The following BUB1B variants were observed in gnomAD, a reference collection of about 807,000 sequenced individuals.
BUB1B encodes the protein mitotic checkpoint serine/threonine-protein kinase BUB1 beta.
A neutral mutation model predicts 137.7 loss-of-function variants in BUB1B; 86 were observed. The ratio of observed to expected loss-of-function variants is 0.62; its 90% CI spans 0.52 to 0.75. BUB1B has a LOEUF of 0.75. BUB1B is among the 30% of genes least tolerant of loss of function. The probability of loss-of-function intolerance (pLI) is 0.00; values close to 1 mark genes in which losing one functional copy is unlikely to be tolerated. For missense variants in BUB1B, 1,130 were observed against 1,236.9 expected (o/e 0.91, Z 1.30); for synonymous variants, 420 against 417.9 (o/e 1.00, Z -0.06).
At chr15:40,205,170 C>T (rs1595530944) in intron 14 of BUB1B, among the ~76,000 whole-genome samples, 2 of 152,106 alleles carry the variant, frequency 1.3e-5, no homozygotes, top group South Asian at 2.1e-4. Context: ...TGGTCTCGAG[C>T]GCCTGACCTC....
chr15:40,218,107 C>T (rs565522729), intron 21 of BUB1B, among the ~76,000 whole-genome samples: 4 of 152,202 alleles, frequency 2.6e-5, no homozygotes, highest in Non-Finnish European at 5.9e-5. Context: ...CAGCTTTAGA[C>T]ATAAGACATT....
chr15:40,209,902 G>C (rs941272674), intron 17 of BUB1B, 127 bp downstream of exon 17: 1 of 1,213,838 alleles, frequency 8.2e-7, no homozygotes, highest in African/African-American at 1.5e-5. Context: ...AAGCAATATA[G>C]AGGATGACAC....
intron 9 of BUB1B, among the ~76,000 whole-genome samples, chr15:40,197,894 A>G (rs1464813184): frequency 6.6e-6 from 1 of 152,238 alleles, no homozygotes; most frequent in African/African-American, 2.4e-5. Context: ...CCACTCCAGC[A>G]AAGAAATAGG....
At chr15:40,190,484 C>T (rs116052375) in intron 8 of BUB1B, among the ~76,000 whole-genome samples, 262 of 152,198 alleles carry the variant, frequency 1.7e-3, no homozygotes, top group African/African-American at 6.0e-3. Flanking sequence ...CATAGTGGCA[C>T]ATGCCTATGG....
intron 8 of BUB1B, among the ~76,000 whole-genome samples, chr15:40,189,692 T>G (rs1566821962): frequency 6.6e-6 from 1 of 152,246 alleles, no homozygotes. Flanking sequence ...CATTTTTGTG[T>G]GGACATGTGT....
At chr15:40,203,797 A>G (rs919901641) in intron 14 of BUB1B, among the ~76,000 whole-genome samples, 6 of 152,212 alleles carry the variant, frequency 3.9e-5, no homozygotes, top group Non-Finnish European at 7.3e-5. Flanking sequence ...AACCTGTATC[A>G]TTGGCATTTT....
rs1313468581 is a variant in BUB1B at position 40,213,435 on chromosome 15, A to G, written c.2639A>G (p.His880Arg). 3 of 1,614,104 alleles carry G rather than the reference A, an allele frequency of 1.9e-6. No individual in the cohort carries two copies. Among genetic ancestry groups the G allele is most frequent in the African/African-American group, 2.7e-5 (2 of 74,940 alleles). Reference protein sequence around the residue: ...VEMLHKAEIVHGDLSPRCLIL... With the variant: ...VEMLHKAEIVRGDLSPRCLIL... ...ATGCTACACAAAGCAGAAATAGTCC[A>G]TGGTGACTTGAGTCCAAGGTGTCTG... Residue 880 changes from histidine (H) to arginine (R), a missense_variant, in exon 20 of 23, where the codon CAT becomes CGT. Coordinates refer to ENST00000287598, the MANE Select transcript of BUB1B (RefSeq NM_001211.6).
intron 8 of BUB1B, among the ~76,000 whole-genome samples, chr15:40,192,783 C>T (rs868435250): frequency 2.0e-5 from 3 of 152,194 alleles, no homozygotes; most frequent in East Asian, 1.9e-4. Flanking sequence ...TTTATCCATT[C>T]GCCCACAGGA....
chr15:40,170,469 G>A, intron 3 of BUB1B, 68 bp from the exon 4 acceptor site: 1 of 1,562,964 alleles, frequency 6.4e-7, no homozygotes, highest in Non-Finnish European at 8.8e-7. Flanking sequence ...TCCAGAATGG[G>A]TCTTGGAGCA....
intron 8 of BUB1B, among the ~76,000 whole-genome samples, chr15:40,193,263 G>C (rs1474902069): frequency 1.3e-5 from 2 of 152,056 alleles, no homozygotes; most frequent in African/African-American, 4.8e-5. Flanking sequence ...ATACTGTTTT[G>C]CATTCCTACC....
At chr15:40,174,985 T>C (rs1202926895) in intron 4 of BUB1B, among the ~76,000 whole-genome samples, 1 of 151,976 alleles carries the variant, frequency 6.6e-6, no homozygotes, top group Admixed American at 6.6e-5. Flanking sequence ...AAAAAAATGC[T>C]ATTTTTATGT....
chr15:40,161,100 T>C lies in BUB1B; in HGVS notation c.-121T>C. 1 of 1,318,108 alleles carries C rather than the reference T, an allele frequency of 7.6e-7. No homozygotes were observed. The highest frequency in any genetic ancestry group is 1.4e-5 in the South Asian group (1 of 70,778). The allele number at this position is 1,318,108 out of a possible 1,614,324, so 81.7% of individuals were successfully genotyped here. On this transcript the variant is annotated 5_prime_UTR_variant, in exon 1 of 23. Coordinates refer to ENST00000287598, the MANE Select transcript of BUB1B (RefSeq NM_001211.6). Reference sequence around the variant, plus strand: ...TTGAGGTGGCCGGTTTGTTAGGGAGTCGTGTACGTGCCTTGGTCGCTTCTG... The same window carrying C: ...TTGAGGTGGCCGGTTTGTTAGGGAGCCGTGTACGTGCCTTGGTCGCTTCTG...
chr15:40,188,129 C>T (rs965464477), intron 8 of BUB1B, among the ~76,000 whole-genome samples: 14 of 152,072 alleles, frequency 9.2e-5, no homozygotes, highest in African/African-American at 3.4e-4. Flanking sequence ...CTCACTGCAA[C>T]CTCCACCTCC....
At chr15:40,209,973 A>C in intron 17 of BUB1B, 137 bp from the exon 18 acceptor site, 1 of 977,970 alleles carries the variant, frequency 1.0e-6, no homozygotes, top group Non-Finnish European at 1.6e-6. Flanking sequence ...ATCTTTAACA[A>C]ATTATTTTTA....
At chr15:40,198,425 A>G (rs987840137) in intron 9 of BUB1B, among the ~76,000 whole-genome samples, 3 of 152,142 alleles carry the variant, frequency 2.0e-5, no homozygotes, top group Non-Finnish European at 4.4e-5. Flanking sequence ...ATGAACTTGT[A>G]TAAATTCCCA....
intron 5 of BUB1B, among the ~76,000 whole-genome samples, chr15:40,177,619 T>C (rs1239730100): frequency 6.6e-6 from 1 of 152,108 alleles, no homozygotes; most frequent in Non-Finnish European, 1.5e-5. Flanking sequence ...GCTATCTAGA[T>C]TACTATACCT....
chr15:40,172,904 G>A (rs535525074), intron 4 of BUB1B, among the ~76,000 whole-genome samples: 3 of 152,342 alleles, frequency 2.0e-5, no homozygotes, highest in Admixed American at 2.0e-4. Context: ...CCTGGAGTCT[G>A]TGGACCCTGG....
At chr15:40,217,393 A>G in intron 20 of BUB1B, 103 bp from the exon 21 acceptor site, 2 of 1,230,358 alleles carry the variant, frequency 1.6e-6, no homozygotes, top group Non-Finnish European at 2.4e-6. Flanking sequence ...AGTTGTTGGC[A>G]TAGCTAAGAT....
intron 21 of BUB1B, 131 bp downstream of exon 21, chr15:40,217,798 C>A: frequency 1.8e-6 from 2 of 1,092,168 alleles, no homozygotes; most frequent in Non-Finnish European, 2.8e-6. Flanking sequence ...CAAATATCAC[C>A]AAGTCAAGTA....
Sources: allele counts gnomAD v4.1 joint callset (sites outside exome capture counted in the v4.1 genomes callset), GRCh38; gene constraint gnomAD v4.1.1; transcripts MANE v1.5; gene names NCBI Gene and HGNC (gene_info 2026-07-23, HGNC 2026-07-21).